Variants in PDE10A observed in about 807,000 individuals in gnomAD.
PDE10A encodes cAMP and cAMP-inhibited cGMP 3',5'-cyclic phosphodiesterase 10A.
Under a neutral mutation model 97.7 loss-of-function variants are expected in PDE10A, and 39 were observed. That is an observed-to-expected ratio of 0.40 (90% CI 0.31 to 0.52). The LOEUF is 0.52. PDE10A is among the 20% of genes least tolerant of loss of function. The pLI is 0.56. For synonymous variants in PDE10A, 371 were observed against 376.8 expected (o/e 0.98, Z 0.18); for missense variants, 731 against 1,047.8 (o/e 0.70, Z 4.17).
At chr6:165,835,039 G>A (rs889057606) in intron 1 of PDE10A, among the ~76,000 whole-genome samples, 3 of 152,182 alleles carry the variant, frequency 2.0e-5, no homozygotes, top group African/African-American at 4.8e-5. Context: ...TTCGGAGCAC[G>A]TGTGGGCTGC....
At chr6:165,456,360 C>T (rs1226486871) in intron 3 of PDE10A, among the ~76,000 whole-genome samples, 2 of 152,156 alleles carry the variant, frequency 1.3e-5, no homozygotes, top group East Asian at 3.8e-4. Flanking sequence ...TCTTCATTTT[C>T]CACGTGGAAG....
intron 6 of PDE10A, among the ~76,000 whole-genome samples, chr6:165,433,741 C>T (rs1053360114): frequency 2.6e-5 from 4 of 152,006 alleles, no homozygotes; most frequent in Admixed American, 1.3e-4. Context: ...GGGGGCCGGG[C>T]GCAGTGGCTC....
chr6:165,902,731 G>A (rs546096098), intron 1 of PDE10A, among the ~76,000 whole-genome samples: 2 of 152,310 alleles, frequency 1.3e-5, no homozygotes, highest in South Asian at 4.1e-4. Context: ...TGGAATGTCA[G>A]TGGAGGTATC....
At chr6:165,964,584 C>A (rs1444489189) in intron 1 of PDE10A, among the ~76,000 whole-genome samples, 3 of 152,174 alleles carry the variant, frequency 2.0e-5, no homozygotes, top group Admixed American at 2.0e-4. Context: ...CTCTCATCAT[C>A]TTCATCAACA....
At chr6:165,438,214 G>A (rs2128241662) in intron 5 of PDE10A, among the ~76,000 whole-genome samples, 1 of 151,934 alleles carries the variant, frequency 6.6e-6, no homozygotes, top group South Asian at 2.1e-4. Context: ...TTGAGACGGA[G>A]TTTCACTCTT....
chr6:165,413,904 T>C (rs889411142), intron 12 of PDE10A, among the ~76,000 whole-genome samples: 49 of 152,238 alleles, frequency 3.2e-4, no homozygotes, highest in African/African-American at 1.1e-3. Context: ...TTGGTTCTTT[T>C]GTCTCCAAGT....
intron 2 of PDE10A, among the ~76,000 whole-genome samples, chr6:165,482,999 C>A (rs537892994): frequency 6.6e-6 from 1 of 152,122 alleles, no homozygotes; most frequent in Non-Finnish European, 1.5e-5. Flanking sequence ...CAAGAAGATG[C>A]CTGTGTGACC....
chr6:165,401,472 G>T (rs1786658919), intron 13 of PDE10A, among the ~76,000 whole-genome samples: 1 of 152,150 alleles, frequency 6.6e-6, no homozygotes, highest in Non-Finnish European at 1.5e-5. Flanking sequence ...TGGAATCTTT[G>T]TCTTTTTGTG....
intron 18 of PDE10A, among the ~76,000 whole-genome samples, chr6:165,367,818 A>C (rs982848719): frequency 4.6e-5 from 7 of 152,120 alleles, no homozygotes; most frequent in African/African-American, 1.7e-4. Flanking sequence ...ACAAAAACAA[A>C]AAACAAAAAC....
chr6:165,680,570 A>G (rs1368338542), intron 1 of PDE10A, among the ~76,000 whole-genome samples: 1 of 152,212 alleles, frequency 6.6e-6, no homozygotes, highest in African/African-American at 2.4e-5. Context: ...AATTTCTACC[A>G]CTGTGTAACA....
At chr6:165,439,458 T>C (rs994700823) in intron 5 of PDE10A, among the ~76,000 whole-genome samples, 2 of 152,184 alleles carry the variant, frequency 1.3e-5, no homozygotes, top group African/African-American at 2.4e-5. Flanking sequence ...CTTCAGGATA[T>C]CTACTCGACC....
chr6:165,448,667 T>C (rs1233072615), intron 5 of PDE10A, among the ~76,000 whole-genome samples: 4 of 151,232 alleles, frequency 2.6e-5, no homozygotes, highest in Non-Finnish European at 4.4e-5. Context: ...AATCTAGAAA[T>C]GCCATTTATA....
intron 1 of PDE10A, among the ~76,000 whole-genome samples, chr6:165,921,391 C>A (rs1008141858): frequency 1.5e-4 from 23 of 152,206 alleles, no homozygotes; most frequent in Non-Finnish European, 3.1e-4. Flanking sequence ...ACAAAAATGA[C>A]AATCATCCCT....
intron 1 of PDE10A, among the ~76,000 whole-genome samples, chr6:165,682,422 T>C (rs1016704191): frequency 6.6e-6 from 1 of 152,172 alleles, no homozygotes; most frequent in African/African-American, 2.4e-5. Flanking sequence ...GTGTGAGCCG[T>C]TGTGCCCAGC....
At chr6:165,377,984 TC>T (rs774944950) in intron 18 of PDE10A, among the ~76,000 whole-genome samples, 1 of 152,230 alleles carries the variant, frequency 6.6e-6, no homozygotes. Flanking sequence ...GTATTGTTTT[TC>T]TTAAATAAGG....
chr6:165,529,884 T>C (rs766647785), intron 2 of PDE10A, among the ~76,000 whole-genome samples: 1 of 152,162 alleles, frequency 6.6e-6, no homozygotes, highest in Non-Finnish European at 1.5e-5. Flanking sequence ...GGACTTGTGA[T>C]GGTTTATACT....
At position 165,328,146 on chromosome 6, in the gene PDE10A, T is replaced by A. The variant is rs1282818919; in HGVS notation, c.*4879A>T. On this transcript the variant is annotated 3_prime_UTR_variant, in exon 22 of 22. Coordinates refer to ENST00000539869, the MANE Select transcript of PDE10A (RefSeq NM_001385079.1). The stretch of plus-strand genomic sequence containing the variant: ...TGGGTAAATCTATTACACTCTGAAC[T>A]TGCACACGAAATGAACACATAGCAT... The A allele has an allele frequency of 6.6e-6, 1 of 152,204 alleles. No individual in the cohort carries two copies. The highest frequency in any genetic ancestry group is 1.5e-5 in the Non-Finnish European group (1 of 68,042). 9.4% of individuals were successfully genotyped at this position (152,204 alleles called of 1,614,324 possible).
At chr6:165,467,774 A>G (rs569575574) in intron 3 of PDE10A, among the ~76,000 whole-genome samples, 1 of 152,378 alleles carries the variant, frequency 6.6e-6, no homozygotes, top group South Asian at 2.1e-4. Flanking sequence ...AACTTAGTTG[A>G]TAAGGCAGAG....
intron 1 of PDE10A, among the ~76,000 whole-genome samples, chr6:165,703,745 C>T (rs886566681): frequency 2.0e-5 from 3 of 152,240 alleles, no homozygotes; most frequent in Admixed American, 6.5e-5. Flanking sequence ...TAAGCTGTGA[C>T]CTGGCCCTCC....
Sources: allele counts gnomAD v4.1 joint callset (sites outside exome capture counted in the v4.1 genomes callset), GRCh38; gene constraint gnomAD v4.1.1; transcripts MANE v1.5; gene names NCBI Gene and HGNC (gene_info 2026-07-23, HGNC 2026-07-21).